UBE3D: variants seen among roughly 807,000 people sequenced by gnomAD.
UBE3D encodes the protein E3 ubiquitin-protein ligase E3D.
A neutral mutation model predicts 49.6 loss-of-function variants in UBE3D; 48 were observed. That is an observed-to-expected ratio of 0.97 (90% CI 0.77 to 1.23). UBE3D has a LOEUF of 1.23. UBE3D is among the 50% of genes most tolerant of loss of function. UBE3D has a pLI of 0.00. For synonymous variants in UBE3D, 189 were observed against 174.2 expected (o/e 1.08, Z -0.67); for missense variants, 452 against 468.4 (o/e 0.96, Z 0.32).
At chr6:83,016,860 TG>T (rs1377451523) in intron 8 of UBE3D, among the ~76,000 whole-genome samples, 1 of 152,146 alleles carries the variant, frequency 6.6e-6, no homozygotes, top group African/African-American at 2.4e-5. Flanking sequence ...CATCCAGCAC[TG>T]GAGAAAGATG....
At chr6:83,049,728 C>T (rs1265819268) in intron 3 of UBE3D, 3 of 470,524 alleles carry the variant, frequency 6.4e-6, no homozygotes, top group Middle Eastern at 3.2e-4. Flanking sequence ...GAGAACAGGG[C>T]GAACCATCCA....
At chr6:83,040,759 T>A (rs973530468) in intron 4 of UBE3D, among the ~76,000 whole-genome samples, 1 of 152,180 alleles carries the variant, frequency 6.6e-6, no homozygotes, top group East Asian at 1.9e-4. Flanking sequence ...ACTCCCAAAG[T>A]GGGCCCCACA....
Position 82,928,259 on chromosome 6 carries a change from T to C in UBE3D, c.1149+29053A>G, listed in dbSNP as rs140687110. On this transcript the variant is annotated intron_variant, in intron 9 of 9. Transcript: ENST00000369747. ...TAAAATGGATCCCGGGAACCGCATA[T>C]GAATGGCTTTCATTTTAAAGTCAAT... Among the ~76,000 whole-genome samples, 25 of 152,198 alleles carry C rather than the reference T, an allele frequency of 1.6e-4. No individual in the cohort carries two copies. In the East Asian group the frequency reaches 3.9e-3, roughly 23 times the overall value.
chr6:82,993,991 A>G (rs1224356853), intron 8 of UBE3D, among the ~76,000 whole-genome samples: 2 of 152,212 alleles, frequency 1.3e-5, no homozygotes, highest in African/African-American at 4.8e-5. Flanking sequence ...AAGTCACTTC[A>G]CCAGTAAAGG....
chr6:83,004,807 C>A (rs950659303), intron 8 of UBE3D, among the ~76,000 whole-genome samples: 3 of 152,066 alleles, frequency 2.0e-5, no homozygotes, highest in African/African-American at 7.2e-5. Context: ...TTTTAATCAA[C>A]CAAAAAGACA....
At chr6:83,021,886 C>A (rs1781122530) in intron 7 of UBE3D, among the ~76,000 whole-genome samples, 1 of 151,342 alleles carries the variant, frequency 6.6e-6, no homozygotes, top group African/African-American at 2.4e-5. Context: ...AAACAAAAAA[C>A]AAAAAAACCC....
intron 9 of UBE3D, among the ~76,000 whole-genome samples, chr6:82,911,202 A>AAAAAC (rs1554183141): frequency 1.3e-5 from 2 of 148,790 alleles, no homozygotes; most frequent in African/African-American, 5.0e-5. Flanking sequence ...TTGGCAAAAA[A>AAAAAC]AAAAAAAAAA....
chr6:82,992,799 T>C (rs905840825), intron 8 of UBE3D, among the ~76,000 whole-genome samples: 1 of 152,112 alleles, frequency 6.6e-6, no homozygotes, highest in African/African-American at 2.4e-5. Flanking sequence ...AGTGATGTCA[T>C]TTGACATATT....
At chr6:83,027,072 C>T (rs1023649474) in intron 5 of UBE3D, among the ~76,000 whole-genome samples, 18 of 152,046 alleles carry the variant, frequency 1.2e-4, no homozygotes, top group African/African-American at 4.1e-4. Flanking sequence ...TTTATCAACC[C>T]TTATTGAACT....
At chr6:82,971,159 T>C (rs1777325199) in intron 8 of UBE3D, among the ~76,000 whole-genome samples, 1 of 152,184 alleles carries the variant, frequency 6.6e-6, no homozygotes, top group Non-Finnish European at 1.5e-5. Context: ...CAGTTCCATT[T>C]TGAACTAACT....
chr6:83,015,511 C>A (rs1780634966), intron 8 of UBE3D, among the ~76,000 whole-genome samples: 1 of 152,206 alleles, frequency 6.6e-6, no homozygotes, highest in Admixed American at 6.5e-5. Context: ...TCAGGCTGAT[C>A]CAACTCTATG....
chr6:82,946,674 C>T (rs1439741172), intron 9 of UBE3D, among the ~76,000 whole-genome samples: 2 of 151,890 alleles, frequency 1.3e-5, no homozygotes, highest in African/African-American at 4.8e-5. Flanking sequence ...AAAGATTAAC[C>T]AATCAAAAAT....
At chr6:83,051,958 T>C (rs1201701275) in intron 3 of UBE3D, among the ~76,000 whole-genome samples, 1 of 152,196 alleles carries the variant, frequency 6.6e-6, no homozygotes, top group Non-Finnish European at 1.5e-5. Flanking sequence ...TTTATTCAAT[T>C]CAACCCAGCA....
At chr6:83,030,234 G>A (rs1048781008) in intron 5 of UBE3D, among the ~76,000 whole-genome samples, 6 of 152,044 alleles carry the variant, frequency 3.9e-5, no homozygotes, top group Non-Finnish European at 7.4e-5. Context: ...TTTCTGATAT[G>A]GTTTGGCTAT....
chr6:82,970,079 T>C (rs957936124), intron 8 of UBE3D, among the ~76,000 whole-genome samples: 2 of 147,326 alleles, frequency 1.4e-5, no homozygotes, highest in Non-Finnish European at 3.0e-5. Context: ...TACTATTATA[T>C]ATATAATTAT....
At position 83,024,872 on chromosome 6, in the gene UBE3D, G is replaced by A. The variant is rs184819612; in HGVS notation, c.668-834C>T. ...ATTTCAGGTAGCATCGTTTTTCGTT[G>A]AGGGCATCTGTCCTCTCCTTCATTC... On this transcript the variant is annotated intron_variant, in intron 5 of 9. Coordinates refer to ENST00000369747, the MANE Select transcript of UBE3D (RefSeq NM_198920.3). Among the ~76,000 whole-genome samples, 217 of 152,216 alleles carry A rather than the reference G, an allele frequency of 1.4e-3. 1 individual carries two copies. The highest frequency in any genetic ancestry group is 4.9e-3 in the African/African-American group (205 of 41,518).
At chr6:82,947,551 G>A (rs1215051409) in intron 9 of UBE3D, among the ~76,000 whole-genome samples, 1 of 150,760 alleles carries the variant, frequency 6.6e-6, no homozygotes, top group Non-Finnish European at 1.5e-5. Flanking sequence ...CTATCTTATG[G>A]TGCTGAACAA....
intron 7 of UBE3D, among the ~76,000 whole-genome samples, chr6:83,019,645 T>G (rs1291059562): frequency 2.0e-5 from 3 of 152,172 alleles, no homozygotes; most frequent in Non-Finnish European, 4.4e-5. Context: ...TTTTGGGATT[T>G]GGATGCATGT....
the UBE3D span, among the ~76,000 whole-genome samples, chr6:82,880,825 C>T: frequency 6.6e-6 from 1 of 152,164 alleles, no homozygotes; most frequent in Non-Finnish European, 1.5e-5. Flanking sequence ...AAATTTATTT[C>T]TCACAGTTCT....
Sources: gnomAD v4.1 joint callset for allele counts (sites outside exome capture counted in the v4.1 genomes callset) on GRCh38, gnomAD v4.1.1 for gene constraint, MANE v1.5 for transcripts, NCBI Gene and HGNC (gene_info 2026-07-23, HGNC 2026-07-21) for gene names.